CLYBL: variants seen among roughly 807,000 people sequenced by gnomAD.
CLYBL encodes the protein citramalyl-CoA lyase, also known as citramalyl-CoA lyase, mitochondrial.
CLYBL carries 31 observed loss-of-function variants against 38.9 expected under a neutral mutation model. The observed-to-expected ratio is 0.80, with a 90% CI of 0.60 to 1.08. The LOEUF is 1.08. Among genes scored for constraint, CLYBL ranks in the 50% least tolerant of loss-of-function variants. The pLI is 0.00. For missense variants in CLYBL, 434 were observed against 411.6 expected (o/e 1.05, Z -0.47); for synonymous variants, 171 against 158.6 (o/e 1.08, Z -0.59).
intron 2 of CLYBL, among the ~76,000 whole-genome samples, chr13:99,790,653 A>G (rs928276948): frequency 1.3e-5 from 2 of 152,014 alleles, no homozygotes; most frequent in Admixed American, 6.6e-5. Flanking sequence ...AATTGTCTGA[A>G]TCTCCCCTTC....
intron 1 of CLYBL, among the ~76,000 whole-genome samples, chr13:99,695,821 C>G (rs546873757): frequency 5.9e-5 from 9 of 152,198 alleles, no homozygotes; most frequent in African/African-American, 2.2e-4. Flanking sequence ...CCCAGTGTGA[C>G]ATTTCTTTTC....
intron 1 of CLYBL, among the ~76,000 whole-genome samples, chr13:99,749,422 A>G (rs9557286): frequency 0.12 from 18,772 of 152,104 alleles, 1,731 homozygotes; most frequent in East Asian, 0.43. Flanking sequence ...TAGAGTGGCC[A>G]GGGTAGACCA....
At chr13:99,770,049 G>T (rs1304249887) in intron 1 of CLYBL, among the ~76,000 whole-genome samples, 5 of 149,620 alleles carry the variant, frequency 3.3e-5, no homozygotes, top group Non-Finnish European at 7.4e-5. Context: ...GTTTGCCAGG[G>T]TTTTAACTTT....
At chr13:99,852,254 T>C (rs1025438153) in intron 2 of CLYBL, among the ~76,000 whole-genome samples, 2 of 152,178 alleles carry the variant, frequency 1.3e-5, no homozygotes, top group African/African-American at 4.8e-5. Context: ...TTTTTTGTTG[T>C]TTTTGAGACA....
chr13:99,831,838 T>G (rs1195534444), intron 2 of CLYBL, among the ~76,000 whole-genome samples: 1 of 151,990 alleles, frequency 6.6e-6, no homozygotes, highest in Non-Finnish European at 1.5e-5. Flanking sequence ...AGATCCACAC[T>G]CAATCAACCT....
At chr13:99,808,368 G>A (rs2050274260) in intron 2 of CLYBL, among the ~76,000 whole-genome samples, 1 of 152,164 alleles carries the variant, frequency 6.6e-6, no homozygotes, top group Non-Finnish European at 1.5e-5. Context: ...TTTTAGGTGT[G>A]AGCTACTGTG....
chr13:99,821,018 T>C (rs1037020807), intron 2 of CLYBL, among the ~76,000 whole-genome samples: 1 of 152,250 alleles, frequency 6.6e-6, no homozygotes, highest in Non-Finnish European at 1.5e-5. Flanking sequence ...CATTCCATGT[T>C]AAATAATTAG....
At chr13:99,724,919 A>T (rs1000483569) in intron 1 of CLYBL, among the ~76,000 whole-genome samples, 2 of 152,074 alleles carry the variant, frequency 1.3e-5, no homozygotes, top group African/African-American at 4.8e-5. Context: ...TTAAAAAGGG[A>T]TTGGGGTAGT....
At chr13:99,663,112 C>T (rs1034546419) in intron 1 of CLYBL, among the ~76,000 whole-genome samples, 11 of 152,284 alleles carry the variant, frequency 7.2e-5, no homozygotes, top group African/African-American at 2.2e-4. Flanking sequence ...GTGATGAAAA[C>T]GGAGCAGTGT....
intron 1 of CLYBL, among the ~76,000 whole-genome samples, chr13:99,648,552 G>A (rs188395262): frequency 2.6e-5 from 4 of 152,036 alleles, no homozygotes; most frequent in Non-Finnish European, 5.9e-5. Flanking sequence ...CTATTTAAAG[G>A]CCCCTTTTTC....
In CLYBL at chr13:99,659,332, G is replaced by C. The variant is rs191483724; in HGVS notation, c.62+52575G>C. ...TTGCCCTAACTTGTGCATGACTCTT[G>C]ATTTCACACAGGAGCATTCAAAAGT... On this transcript the variant is annotated intron_variant, in intron 1 of 8. Coordinates refer to ENST00000339105, the MANE Select transcript of CLYBL (RefSeq NM_206808.5). 2.1e-3 allele frequency among the ~76,000 whole-genome samples: 320 copies of C among 152,132 alleles called. 2 individuals are homozygous for C. Among genetic ancestry groups the C allele is most frequent in the African/African-American group, 7.3e-3 (301 of 41,490 alleles).
intron 2 of CLYBL, among the ~76,000 whole-genome samples, chr13:99,837,881 C>T (rs2050976130): frequency 6.6e-6 from 1 of 152,210 alleles, no homozygotes. Context: ...ACAGAAATCT[C>T]TACATACCAA....
At chr13:99,853,031 T>G (rs2051368867) in intron 2 of CLYBL, among the ~76,000 whole-genome samples, 1 of 152,218 alleles carries the variant, frequency 6.6e-6, no homozygotes. Flanking sequence ...TGAGGTGAAA[T>G]TTATATACAA....
At chr13:99,758,625 G>A (rs145951967) in intron 1 of CLYBL, among the ~76,000 whole-genome samples, 3 of 152,284 alleles carry the variant, frequency 2.0e-5, no homozygotes, top group South Asian at 2.1e-4. Context: ...GGAGGGAGGC[G>A]TGGTAAAGCC....
chr13:99,785,383 A>G (rs921649354), intron 2 of CLYBL, among the ~76,000 whole-genome samples: 4 of 148,272 alleles, frequency 2.7e-5, no homozygotes, highest in African/African-American at 9.9e-5. Context: ...TAATTTTTTT[A>G]TTTTTATTTT....
chr13:99,654,591 G>T (rs1360726227), intron 1 of CLYBL, among the ~76,000 whole-genome samples: 1 of 152,188 alleles, frequency 6.6e-6, no homozygotes, highest in African/African-American at 2.4e-5. Flanking sequence ...CTTGATTGTT[G>T]TGTACAGGGT....
At position 99,858,862 on chromosome 13, in the gene CLYBL, A is replaced by T; in HGVS notation, c.251A>T (p.Asn84Ile). The T allele has an allele frequency of 6.3e-7, 1 of 1,596,140 alleles. No individual in the cohort carries two copies. Among genetic ancestry groups the T allele is most frequent in the Non-Finnish European group, 8.5e-7 (1 of 1,173,036 alleles). The part of the protein sequence containing the change: ...CEDGVAANKK[N>I]EARLRIVKTL... Reference sequence around the variant, plus strand: ...TAAACTTTTTATTGACACTTACAGAATGAAGCTCGACTGAGAATTGTAAAA... The same window carrying T: ...TAAACTTTTTATTGACACTTACAGATTGAAGCTCGACTGAGAATTGTAAAA... Residue 84 changes from asparagine (N) to isoleucine (I), a missense_variant and splice_region_variant, in exon 3 of 9, where the codon AAT becomes ATT. Asn to Ile is a moderately radical substitution (Grantham distance 149). Transcript: ENST00000339105.
At chr13:99,811,584 C>T (rs941497313) in intron 2 of CLYBL, among the ~76,000 whole-genome samples, 1 of 152,154 alleles carries the variant, frequency 6.6e-6, no homozygotes, top group Non-Finnish European at 1.5e-5. Flanking sequence ...AAATGGCAGG[C>T]GGGATCAGTT....
chr13:99,763,009 A>T (rs1415643678), intron 1 of CLYBL, among the ~76,000 whole-genome samples: 1 of 152,140 alleles, frequency 6.6e-6, no homozygotes, highest in Admixed American at 6.5e-5. Context: ...TGATTTCTGT[A>T]TGTTGATTTT....
Sources: gnomAD v4.1 joint callset for allele counts (sites outside exome capture counted in the v4.1 genomes callset) on GRCh38, gnomAD v4.1.1 for gene constraint, MANE v1.5 for transcripts, NCBI Gene and HGNC (gene_info 2026-07-23, HGNC 2026-07-21) for gene names.